Variants in SYN3 observed in about 807,000 individuals in gnomAD.
SYN3 encodes synapsin III.
A neutral mutation model predicts 65.8 loss-of-function variants in SYN3; 35 were observed. The ratio of observed to expected loss-of-function variants is 0.53; its 90% confidence interval spans 0.41 to 0.70. SYN3 has a LOEUF of 0.70. Ranked by LOEUF, SYN3 falls within the 30% of genes least tolerant of loss-of-function variation. SYN3 has a pLI of 0.00. For synonymous variants in SYN3, 270 were observed against 292.9 expected (o/e 0.92, Z 0.80); for missense variants, 680 against 749.0 (o/e 0.91, Z 1.08).
intron 6 of SYN3, among the ~76,000 whole-genome samples, chr22:32,836,939 G>T (rs1379177523): frequency 6.6e-6 from 1 of 152,170 alleles, no homozygotes; most frequent in Admixed American, 6.5e-5. Context: ...CCCACTCCTG[G>T]TGCATTCTGG....
At chr22:32,737,234 TCTC>T (rs1212676171) in intron 6 of SYN3, among the ~76,000 whole-genome samples, 1 of 152,182 alleles carries the variant, frequency 6.6e-6, no homozygotes, top group Non-Finnish European at 1.5e-5. Flanking sequence ...GTACTTGTAT[TCTC>T]CTCATTTTGC....
At chr22:33,004,103 C>G (rs905390961) in intron 2 of SYN3, among the ~76,000 whole-genome samples, 1 of 152,210 alleles carries the variant, frequency 6.6e-6, no homozygotes, top group African/African-American at 2.4e-5. Flanking sequence ...TATGGAAACA[C>G]TTGGGTGTCC....
chr22:32,517,697 TGAGCTAAACTC>T (rs2057801141), intron 13 of SYN3, among the ~76,000 whole-genome samples: 1 of 152,204 alleles, frequency 6.6e-6, no homozygotes, highest in South Asian at 2.1e-4. Flanking sequence ...ACCTCCCAGC[TGAGCTAAACTC>T]AGAACAAACA....
At chr22:33,043,850 C>T (rs369299362) in intron 1 of SYN3, among the ~76,000 whole-genome samples, 33 of 152,162 alleles carry the variant, frequency 2.2e-4, no homozygotes, top group East Asian at 5.8e-4. Flanking sequence ...GTCAAGAGAT[C>T]GAGACCATCC....
chr22:32,738,358 T>G (rs2061360349), intron 6 of SYN3, among the ~76,000 whole-genome samples: 1 of 152,196 alleles, frequency 6.6e-6, no homozygotes, highest in Admixed American at 6.5e-5. Flanking sequence ...CTAAGTAGAA[T>G]GCAGACTTAC....
chr22:32,780,001 A>C (rs1216551318), intron 6 of SYN3, among the ~76,000 whole-genome samples: 2 of 138,770 alleles, frequency 1.4e-5, no homozygotes, highest in Non-Finnish European at 3.0e-5. Context: ...GGCCTGCCCT[A>C]AAGATTGCAG....
chr22:32,714,406 C>A (rs565404197), intron 6 of SYN3, among the ~76,000 whole-genome samples: 12 of 152,200 alleles, frequency 7.9e-5, no homozygotes, highest in Non-Finnish European at 1.6e-4. Flanking sequence ...GGTTCTCAAC[C>A]CTGGCTGCAG....
intron 4 of SYN3, among the ~76,000 whole-genome samples, chr22:32,883,893 G>GT (rs1157867144): frequency 6.6e-6 from 1 of 152,144 alleles, no homozygotes; most frequent in Non-Finnish European, 1.5e-5. Context: ...TAGAATCTTG[G>GT]TATCTCCTAA....
chr22:32,882,690 T>A (rs569123354), intron 4 of SYN3, among the ~76,000 whole-genome samples: 12 of 151,678 alleles, frequency 7.9e-5, no homozygotes, highest in African/African-American at 2.9e-4. Context: ...TTCTCTGTAC[T>A]TTTTCTAGCC....
chr22:32,948,653 C>T (rs1273321030), intron 3 of SYN3, among the ~76,000 whole-genome samples: 3 of 151,962 alleles, frequency 2.0e-5, no homozygotes, highest in Non-Finnish European at 2.9e-5. Flanking sequence ...AGGAGAATGG[C>T]GTGAACCTGC....
chr22:32,672,612 C>T (rs950419017), intron 6 of SYN3, among the ~76,000 whole-genome samples: 12 of 152,340 alleles, frequency 7.9e-5, no homozygotes, highest in African/African-American at 2.9e-4. Flanking sequence ...TATGTCCCTC[C>T]GCCTGGTGAG....
At position 32,510,971 on chromosome 22, in the gene SYN3, G is replaced by A. The variant is rs1295851645; in HGVS notation, c.*2721C>T. Among the ~76,000 whole-genome samples the A allele has an allele frequency of 6.7e-6, 1 of 149,166 alleles. No homozygotes were observed. The highest frequency in any genetic ancestry group is 2.6e-5 in the African/African-American group (1 of 39,178). On this transcript the variant is annotated 3_prime_UTR_variant, in exon 14 of 14. Coordinates refer to ENST00000358763, the MANE Select transcript of SYN3 (RefSeq NM_003490.4). ...TAGGATGTGCATTTGTCAATTCCAA[G>A]TTATTGTCCAGGCGTGTGTGTGTGT...
intron 6 of SYN3, among the ~76,000 whole-genome samples, chr22:32,822,405 T>C (rs2146071780): frequency 6.6e-6 from 1 of 152,234 alleles, no homozygotes; most frequent in East Asian, 1.9e-4. Context: ...GCACTTCCTA[T>C]CCTCATGGAG....
intron 2 of SYN3, among the ~76,000 whole-genome samples, chr22:32,994,451 C>T (rs1189206532): frequency 1.3e-5 from 2 of 152,164 alleles, no homozygotes; most frequent in East Asian, 3.9e-4. Flanking sequence ...TCATTAGGCC[C>T]TTCCTATCTC....
rs557106180 is a variant in SYN3 at position 32,560,460 on chromosome 22, A to C, written c.775-18747T>G. Among the ~76,000 whole-genome samples, 12 of 152,320 alleles carry C rather than the reference A, an allele frequency of 7.9e-5. No homozygotes were observed. The South Asian group carries it at 2.5e-3, about 32-fold the overall frequency. On this transcript the variant is annotated intron_variant, in intron 7 of 13. Coordinates refer to ENST00000358763, the MANE Select transcript of SYN3 (RefSeq NM_003490.4). ...TCATAGAGCAGCTGGAGTTCTCCCT[A>C]ATAAGACGTCGTCGAGTAAAGACCC... is the stretch of plus-strand genomic sequence containing the variant.
At chr22:32,760,728 G>C (rs1313076244) in intron 6 of SYN3, among the ~76,000 whole-genome samples, 2 of 152,342 alleles carry the variant, frequency 1.3e-5, no homozygotes, top group South Asian at 4.1e-4. Flanking sequence ...TGTAAAGACA[G>C]ACAGGGAGAG....
intron 6 of SYN3, among the ~76,000 whole-genome samples, chr22:32,606,334 A>C (rs2059371873): frequency 6.6e-6 from 1 of 152,154 alleles, no homozygotes; most frequent in South Asian, 2.1e-4. Context: ...GACTCATTCA[A>C]CAGAAAGCAC....
chr22:32,716,084 G>A (rs1400761009), intron 6 of SYN3, among the ~76,000 whole-genome samples: 1 of 152,274 alleles, frequency 6.6e-6, no homozygotes, highest in South Asian at 2.1e-4. Flanking sequence ...AATGGGTAGA[G>A]CCCACACAAA....
At chr22:32,565,807 G>C (rs1324892119) in intron 7 of SYN3, among the ~76,000 whole-genome samples, 1 of 151,908 alleles carries the variant, frequency 6.6e-6, no homozygotes. Flanking sequence ...CGCCTCCCAG[G>C]TTCACACCAT....
Sources: allele counts gnomAD v4.1 joint callset (sites outside exome capture counted in the v4.1 genomes callset), GRCh38; gene constraint gnomAD v4.1.1; transcripts MANE v1.5; gene names NCBI Gene and HGNC (gene_info 2026-07-23, HGNC 2026-07-21).